NOX4: variants seen among roughly 807,000 people sequenced by gnomAD.
NOX4 encodes kidney oxidase-1.
In NOX4, 69 loss-of-function variants were observed where a neutral mutation model predicts 87.6. The observed-to-expected ratio is 0.79, with a 90% CI of 0.65 to 0.96. The LOEUF (loss-of-function observed/expected upper bound fraction) is 0.96. Ranked by LOEUF, NOX4 falls within the 40% of genes least tolerant of loss-of-function variation. NOX4 has a pLI of 0.00. For synonymous variants in NOX4, 275 were observed against 238.2 expected (o/e 1.15, Z -1.42); for missense variants, 680 against 681.5 (o/e 1.00, Z 0.02).
chr11:89,555,233 T>A, the NOX4 span, among the ~76,000 whole-genome samples: 1 of 152,012 alleles, frequency 6.6e-6, no homozygotes, highest in Non-Finnish European at 1.5e-5. Context: ...TTGTAAATCC[T>A]AACACTTTGG....
At chr11:89,446,688 A>G (rs1944724761) in intron 4 of NOX4, among the ~76,000 whole-genome samples, 1 of 152,162 alleles carries the variant, frequency 6.6e-6, no homozygotes, top group African/African-American at 2.4e-5. Flanking sequence ...GACTGTAAAC[A>G]CTAACCAGTG....
chr11:89,336,437 A>C (rs934798931), intron 16 of NOX4, among the ~76,000 whole-genome samples: 1 of 152,002 alleles, frequency 6.6e-6, no homozygotes, highest in Non-Finnish European at 1.5e-5. Context: ...TTATATAAGT[A>C]AAATACTACA....
intron 13 of NOX4, among the ~76,000 whole-genome samples, chr11:89,348,071 T>C (rs1590983289): frequency 6.6e-6 from 1 of 150,850 alleles, no homozygotes; most frequent in Admixed American, 6.6e-5. Flanking sequence ...AGGCTAGGAG[T>C]TCAAGAGCAG....
At chr11:89,566,668 C>A in the NOX4 span, among the ~76,000 whole-genome samples, 4 of 152,030 alleles carry the variant, frequency 2.6e-5, no homozygotes, top group Non-Finnish European at 5.9e-5. Context: ...GAAAACAGAC[C>A]ATCATGAAGT....
intron 1 of NOX4, 176 bp downstream of exon 1, chr11:89,491,014 G>C: frequency 2.7e-6 from 2 of 745,344 alleles, no homozygotes; most frequent in East Asian, 2.7e-5. Flanking sequence ...GGACAGGCGA[G>C]GGGGTGGGAG....
Position 89,469,586 on chromosome 11 carries a change from T to A in NOX4, c.154-17691A>T, listed in dbSNP as rs570361792. On this transcript the variant is annotated intron_variant, in intron 2 of 17. Coordinates refer to ENST00000263317, the MANE Select transcript of NOX4 (RefSeq NM_016931.5). ...GCCTTACAAACCATCCAGTTCAACC[T>A]TCTTTTTGCCCTGTTTACACTGCTA... Among the ~76,000 whole-genome samples the A allele has an allele frequency of 5.3e-5, 8 of 152,268 alleles. 1 individual carries two copies. In the South Asian group the frequency reaches 8.3e-4, roughly 16 times the overall value.
chr11:89,334,137 G>C (rs12795547), intron 17 of NOX4, among the ~76,000 whole-genome samples: 1 of 151,642 alleles, frequency 6.6e-6, no homozygotes, highest in African/African-American at 2.4e-5. Flanking sequence ...GCAATATACA[G>C]TGAAAATCAA....
chr11:89,567,924 T>C, the NOX4 span, among the ~76,000 whole-genome samples: 1 of 152,204 alleles, frequency 6.6e-6, no homozygotes, highest in Admixed American at 6.5e-5. Flanking sequence ...ATCACACTGT[T>C]GTCAGTGTGT....
chr11:89,419,194 A>G (rs1942955477), intron 8 of NOX4, among the ~76,000 whole-genome samples: 1 of 152,064 alleles, frequency 6.6e-6, no homozygotes, highest in Middle Eastern at 3.2e-3. Flanking sequence ...ATGGACAGAG[A>G]AGCTAATGCT....
At chr11:89,375,038 G>T (rs911743205) in intron 11 of NOX4, among the ~76,000 whole-genome samples, 1 of 152,006 alleles carries the variant, frequency 6.6e-6, no homozygotes, top group Non-Finnish European at 1.5e-5. Flanking sequence ...TAAATATAAA[G>T]GTAGGTATTT....
At chr11:89,503,676 G>T in the NOX4 span, among the ~76,000 whole-genome samples, 7 of 151,214 alleles carry the variant, frequency 4.6e-5, no homozygotes, top group Non-Finnish European at 1.0e-4. Flanking sequence ...ATTAACTTTA[G>T]ACAAGTAATT....
chr11:89,422,691 C>T (rs986104550), intron 7 of NOX4, among the ~76,000 whole-genome samples: 1 of 152,038 alleles, frequency 6.6e-6, no homozygotes. Context: ...CTTAGAGAAA[C>T]CCTTACTTAA....
chr11:89,338,216 C>G (rs1434463432), intron 15 of NOX4, among the ~76,000 whole-genome samples: 1 of 152,098 alleles, frequency 6.6e-6, no homozygotes, highest in Non-Finnish European at 1.5e-5. Context: ...TGAAACTACT[C>G]TAGGGACCTC....
the NOX4 span, among the ~76,000 whole-genome samples, chr11:89,540,783 G>C: frequency 4.1e-5 from 3 of 72,296 alleles, no homozygotes; most frequent in African/African-American, 1.3e-4. Flanking sequence ...GCAAGACTCC[G>C]TCTAAAAAAA....
chr11:89,394,950 C>T (rs141990450), intron 11 of NOX4, among the ~76,000 whole-genome samples: 13 of 152,128 alleles, frequency 8.5e-5, no homozygotes, highest in Admixed American at 8.5e-4. Context: ...GTGAATAGTG[C>T]CGCAATAAAC....
rs116517754 is a variant in NOX4 at position 89,404,897 on chromosome 11, A to G, written c.630-2355T>C. On this transcript the variant is annotated intron_variant, in intron 8 of 17. Transcript: ENST00000263317. Reference sequence around the variant, plus strand: ...ATAATCATACAAGGTAAGTGTTTTTATTTATATTACACAGATGAGAAACCT... The same window carrying G: ...ATAATCATACAAGGTAAGTGTTTTTGTTTATATTACACAGATGAGAAACCT... Among the ~76,000 whole-genome samples, 1,038 of 152,186 alleles carry G rather than the reference A, an allele frequency of 6.8e-3. 10 individuals carry two copies. The highest frequency in any genetic ancestry group is 0.024 in the African/African-American group (978 of 41,540).
At chr11:89,327,565 C>G (rs1945272767) in intron 17 of NOX4, among the ~76,000 whole-genome samples, 1 of 151,606 alleles carries the variant, frequency 6.6e-6, no homozygotes, top group Non-Finnish European at 1.5e-5. Context: ...TAAATAAATC[C>G]CAGGAAATAA....
intron 13 of NOX4, among the ~76,000 whole-genome samples, chr11:89,353,472 T>A (rs1445882786): frequency 2.0e-5 from 3 of 152,152 alleles, no homozygotes; most frequent in Non-Finnish European, 4.4e-5. Flanking sequence ...AACAATAAAG[T>A]ATATTTTAAT....
At chr11:89,585,683 A>T in the NOX4 span, among the ~76,000 whole-genome samples, 1 of 152,186 alleles carries the variant, frequency 6.6e-6, no homozygotes, top group African/African-American at 2.4e-5. Context: ...TACAGTAGAG[A>T]GTGTCCATCC....
Sources: allele counts gnomAD v4.1 joint callset (sites outside exome capture counted in the v4.1 genomes callset), GRCh38; gene constraint gnomAD v4.1.1; transcripts MANE v1.5; gene names NCBI Gene and HGNC (gene_info 2026-07-23, HGNC 2026-07-21).